Variants in CSMD1 observed in about 807,000 individuals in gnomAD.
CSMD1 encodes the protein CUB and sushi domain-containing protein 1.
A neutral mutation model predicts 417.5 loss-of-function variants in CSMD1; 213 were observed. The ratio of observed to expected loss-of-function variants is 0.51; its 90% CI spans 0.46 to 0.57. The LOEUF (loss-of-function observed/expected upper bound fraction) is 0.57, where lower values mean the gene tolerates loss of function less well. CSMD1 is among the 20% of genes least tolerant of loss of function. The probability of loss-of-function intolerance (pLI) is 0.00; values close to 1 mark genes in which losing one functional copy is unlikely to be tolerated. For missense variants in CSMD1, 6,923 were observed against 4,529.7 expected, an observed-to-expected ratio of 1.53 and a Z score of -15.17; for synonymous variants, 2,862 against 1,736.8, an observed-to-expected ratio of 1.65 and a Z score of -16.11.
intron 1 of CSMD1, among the ~76,000 whole-genome samples, chr8:4,904,622 G>C (rs758633455): frequency 2.3e-4 from 35 of 152,046 alleles, no homozygotes; most frequent in Admixed American, 2.0e-3. Flanking sequence ...GCCAGGGAGC[G>C]CCCAACCATC....
intron 7 of CSMD1, among the ~76,000 whole-genome samples, chr8:3,662,045 C>G (rs2117458753): frequency 6.6e-6 from 1 of 152,220 alleles, no homozygotes; most frequent in South Asian, 2.1e-4. Context: ...TCGTAGAAAA[C>G]ATGAAAGGCA....
chr8:4,917,688 G>C (rs1411397571), intron 1 of CSMD1, among the ~76,000 whole-genome samples: 2 of 152,060 alleles, frequency 1.3e-5, no homozygotes, highest in African/African-American at 2.4e-5. Context: ...ATTTGGATGG[G>C]GGCATAGAGA....
At chr8:4,600,298 T>C (rs6983328) in intron 2 of CSMD1, among the ~76,000 whole-genome samples, 1,524 of 152,246 alleles carry the variant, frequency 0.01, 29 homozygotes, top group African/African-American at 0.036. Context: ...AGGTACTCTA[T>C]GTAGCAAATA....
chr8:3,183,363 C>T (rs200230173), intron 36 of CSMD1, among the ~76,000 whole-genome samples: 1 of 145,722 alleles, frequency 6.9e-6, no homozygotes, highest in African/African-American at 2.5e-5. Flanking sequence ...TGTTTCTTAA[C>T]GATACCATCG....
intron 2 of CSMD1, among the ~76,000 whole-genome samples, chr8:4,431,139 C>G (rs1351084108): frequency 2.0e-5 from 3 of 152,000 alleles, no homozygotes. Context: ...AGAGGTGAGG[C>G]TCTAAATGAT....
At chr8:3,772,223 A>G (rs956596219) in intron 5 of CSMD1, among the ~76,000 whole-genome samples, 1 of 144,812 alleles carries the variant, frequency 6.9e-6, no homozygotes, top group Admixed American at 7.0e-5. Context: ...CACATATAAT[A>G]CACACACATA....
chr8:4,365,201 T>G (rs377350781), intron 3 of CSMD1, among the ~76,000 whole-genome samples: 1 of 152,202 alleles, frequency 6.6e-6, no homozygotes, highest in East Asian at 1.9e-4. Flanking sequence ...ATTTGCACCT[T>G]GTCTATATAT....
chr8:3,776,959 C>T (rs1159323301), intron 5 of CSMD1, among the ~76,000 whole-genome samples: 1 of 151,900 alleles, frequency 6.6e-6, no homozygotes, highest in Non-Finnish European at 1.5e-5. Context: ...AGTGATTCTC[C>T]TACCTGGGCC....
At chr8:3,769,131 T>C (rs1048078333) in intron 5 of CSMD1, among the ~76,000 whole-genome samples, 1 of 152,222 alleles carries the variant, frequency 6.6e-6, no homozygotes, top group African/African-American at 2.4e-5. Flanking sequence ...TACTATACAG[T>C]TAAATTGATT....
At chr8:3,265,258 G>A (rs139726899) in intron 26 of CSMD1, among the ~76,000 whole-genome samples, 1 of 152,182 alleles carries the variant, frequency 6.6e-6, no homozygotes, top group African/African-American at 2.4e-5. Context: ...AAGACAAAAT[G>A]CTACTAAGTG....
chr8:4,284,956 T>C (rs1037710446), intron 3 of CSMD1, among the ~76,000 whole-genome samples: 3 of 152,222 alleles, frequency 2.0e-5, no homozygotes, highest in Non-Finnish European at 2.9e-5. Flanking sequence ...TTGGGCAAAG[T>C]AACCTCACCT....
At chr8:3,124,811 C>T (rs1182159622) in intron 41 of CSMD1, among the ~76,000 whole-genome samples, 1 of 152,222 alleles carries the variant, frequency 6.6e-6, no homozygotes, top group African/African-American at 2.4e-5. Context: ...ATCTGCCAGT[C>T]AACATCATAA....
At chr8:3,995,889 C>T (rs1020334729) in intron 5 of CSMD1, among the ~76,000 whole-genome samples, 1 of 152,146 alleles carries the variant, frequency 6.6e-6, no homozygotes, top group Admixed American at 6.5e-5. Flanking sequence ...GATAACTTTC[C>T]CACCAGCTTC....
chr8:3,512,580 G>A (rs575850983), intron 10 of CSMD1, among the ~76,000 whole-genome samples: 8 of 151,126 alleles, frequency 5.3e-5, no homozygotes, highest in African/African-American at 1.9e-4. Flanking sequence ...TCTCCTCCAG[G>A]AGCTTACTTT....
chr8:4,419,457 T>C (rs561486719), intron 3 of CSMD1, among the ~76,000 whole-genome samples: 14 of 152,100 alleles, frequency 9.2e-5, no homozygotes, highest in Non-Finnish European at 2.1e-4. Flanking sequence ...TCTGAAGACA[T>C]GAAAACAAAT....
At chr8:3,953,798 G>GCTAT (rs1811742451) in intron 5 of CSMD1, among the ~76,000 whole-genome samples, 1 of 152,070 alleles carries the variant, frequency 6.6e-6, no homozygotes, top group Non-Finnish European at 1.5e-5. Flanking sequence ...ACACCTCAGA[G>GCTAT]CTATACAGCC....
intron 1 of CSMD1, among the ~76,000 whole-genome samples, chr8:4,963,151 C>T (rs750048619): frequency 2.0e-5 from 3 of 152,120 alleles, no homozygotes; most frequent in Non-Finnish European, 4.4e-5. Context: ...CAATTGCCCT[C>T]TGTAAGCTTT....
chr8:3,247,874 T>G (rs1799989076), intron 26 of CSMD1, among the ~76,000 whole-genome samples: 1 of 152,168 alleles, frequency 6.6e-6, no homozygotes, highest in Non-Finnish European at 1.5e-5. Flanking sequence ...GGGAGCAGGA[T>G]CTCCATGGAA....
chr8:3,837,521 C>G lies in CSMD1; in HGVS notation c.819-83479G>C, dbSNP rs146259732. Among the ~76,000 whole-genome samples the G allele has an allele frequency of 1.4e-4, 22 of 152,184 alleles. 2 individuals carry two copies. Among genetic ancestry groups the G allele is most frequent in the East Asian group, 5.8e-4 (3 of 5,170 alleles). On this transcript the variant is annotated intron_variant, in intron 5 of 69. Coordinates refer to ENST00000635120, the MANE Select transcript of CSMD1 (RefSeq NM_033225.6). ...ATGTGAGATCCTGAGGATGCAGAGACATTTAAAAAACAACACAGCCCCCAA... is the reference window on the plus strand; with the variant it reads ...ATGTGAGATCCTGAGGATGCAGAGAGATTTAAAAAACAACACAGCCCCCAA...
Sources: allele counts gnomAD v4.1 joint callset (sites outside exome capture counted in the v4.1 genomes callset), GRCh38; gene constraint gnomAD v4.1.1; transcripts MANE v1.5; gene names NCBI Gene and HGNC (gene_info 2026-07-23, HGNC 2026-07-21).